TTC29: variants seen among roughly 807,000 people sequenced by gnomAD.
TTC29 encodes the protein tetratricopeptide repeat domain 29.
TTC29 carries 49 observed loss-of-function variants against 58.1 expected under a neutral mutation model. That is an observed-to-expected ratio of 0.84 (90% CI 0.67 to 1.07). The LOEUF is 1.07. Ranked by LOEUF, TTC29 falls within the 50% of genes least tolerant of loss-of-function variation. The probability of loss-of-function intolerance (pLI) is 0.00; values close to 1 mark genes in which losing one functional copy is unlikely to be tolerated. For missense variants in TTC29, 582 were observed against 555.6 expected, an observed-to-expected ratio of 1.05 and a Z score of -0.48; for synonymous variants, 209 against 196.8, an observed-to-expected ratio of 1.06 and a Z score of -0.52.
At chr4:146,809,634 T>C (rs1345361775) in intron 10 of TTC29, among the ~76,000 whole-genome samples, 2 of 149,838 alleles carry the variant, frequency 1.3e-5, no homozygotes. Flanking sequence ...TAAGAAGACA[T>C]TTATGCGGCC....
At chr4:146,850,763 G>A (rs541287806) in intron 8 of TTC29, among the ~76,000 whole-genome samples, 1 of 152,000 alleles carries the variant, frequency 6.6e-6, no homozygotes, top group Non-Finnish European at 1.5e-5. Context: ...AAATATTCAC[G>A]TTTAGTTACA....
At chr4:146,889,674 C>T (rs1732221772) in intron 6 of TTC29, among the ~76,000 whole-genome samples, 1 of 151,994 alleles carries the variant, frequency 6.6e-6, no homozygotes, top group African/African-American at 2.4e-5. Context: ...TATTCCATGA[C>T]AAATAAGAAA....
rs116777798 is a variant in TTC29 at position 146,767,006 on chromosome 4, C to T, written c.1330+36451G>A. ...TCATCCTGTAGACAAAACATTTATT[C>T]ATCATTTAGCTATTGCTTTAGCAAC... On this transcript the variant is annotated intron_variant, in intron 11 of 12. Transcript: ENST00000325106. Among the ~76,000 whole-genome samples, 609 of 152,136 alleles carry T rather than the reference C, an allele frequency of 4.0e-3. 2 individuals carry two copies. Among genetic ancestry groups the T allele is most frequent in the African/African-American group, 0.014 (567 of 41,542 alleles).
At chr4:146,791,071 G>A (rs1411209313) in intron 11 of TTC29, among the ~76,000 whole-genome samples, 8 of 152,208 alleles carry the variant, frequency 5.3e-5, no homozygotes, top group Non-Finnish European at 1.2e-4. Context: ...ACTATCATAA[G>A]TAGAGTGGTT....
intron 11 of TTC29, chr4:146,764,217 G>A (rs1171855579): frequency 6.6e-6 from 1 of 152,088 alleles, no homozygotes; most frequent in Non-Finnish European, 1.5e-5. Flanking sequence ...TGGTATAGGG[G>A]AGAAAATAGA....
intron 11 of TTC29, among the ~76,000 whole-genome samples, chr4:146,715,103 G>A (rs1327406201): frequency 6.6e-6 from 1 of 152,068 alleles, no homozygotes; most frequent in Non-Finnish European, 1.5e-5. Flanking sequence ...GTCCCAAAGT[G>A]TTGGGATGAC....
chr4:146,852,726 T>C (rs1247674738), intron 8 of TTC29, among the ~76,000 whole-genome samples: 2 of 152,226 alleles, frequency 1.3e-5, no homozygotes, highest in Admixed American at 1.3e-4. Flanking sequence ...ACAATCTACC[T>C]GACCAAAAAG....
At chr4:146,837,936 T>C (rs918638681) in intron 8 of TTC29, among the ~76,000 whole-genome samples, 4 of 152,054 alleles carry the variant, frequency 2.6e-5, no homozygotes, top group Admixed American at 1.3e-4. Flanking sequence ...AGCATGTTAC[T>C]ATGTAAGTTT....
chr4:146,933,379 T>C (rs1323803256), intron 4 of TTC29, among the ~76,000 whole-genome samples: 7 of 152,232 alleles, frequency 4.6e-5, no homozygotes, highest in African/African-American at 1.7e-4. Flanking sequence ...TAAAGTGCCC[T>C]CTAGAAATGT....
intron 8 of TTC29, among the ~76,000 whole-genome samples, chr4:146,846,609 G>A (rs910225394): frequency 2.0e-5 from 3 of 152,130 alleles, no homozygotes; most frequent in Non-Finnish European, 4.4e-5. Flanking sequence ...CACCTTGAAC[G>A]AAATGGTTTC....
At chr4:146,818,116 A>C (rs1243547319) in intron 10 of TTC29, among the ~76,000 whole-genome samples, 5 of 152,180 alleles carry the variant, frequency 3.3e-5, no homozygotes, top group South Asian at 4.1e-4. Flanking sequence ...TTCTGCACAG[A>C]AAAAGAAACT....
intron 4 of TTC29, among the ~76,000 whole-genome samples, chr4:146,933,073 A>T (rs2150321564): frequency 6.7e-6 from 1 of 148,556 alleles, no homozygotes; most frequent in Admixed American, 6.7e-5. Flanking sequence ...AAAAAAAAAG[A>T]TATGAAGTAA....
intron 11 of TTC29, among the ~76,000 whole-genome samples, chr4:146,740,741 A>T (rs980293102): frequency 5.9e-5 from 9 of 152,086 alleles, no homozygotes; most frequent in African/African-American, 2.2e-4. Flanking sequence ...TTAGAGATAG[A>T]GTCTCACTCA....
At chr4:146,809,099 T>C (rs1294289052) in intron 10 of TTC29, among the ~76,000 whole-genome samples, 1 of 150,028 alleles carries the variant, frequency 6.7e-6, no homozygotes, top group East Asian at 2.0e-4. Flanking sequence ...TACAACCAAC[T>C]GATCTTTGAC....
intron 11 of TTC29, among the ~76,000 whole-genome samples, chr4:146,784,744 G>A (rs1184727592): frequency 6.6e-6 from 1 of 152,068 alleles, no homozygotes; most frequent in Non-Finnish European, 1.5e-5. Flanking sequence ...CCAATTAATA[G>A]CATTTTGTTA....
At chr4:146,723,232 A>C (rs1042015932) in intron 11 of TTC29, among the ~76,000 whole-genome samples, 1 of 151,372 alleles carries the variant, frequency 6.6e-6, no homozygotes, top group African/African-American at 2.4e-5. Flanking sequence ...GGGCAACAAG[A>C]GCAAAACTCC....
At chr4:146,711,390 A>G (rs1742481261) in intron 11 of TTC29, among the ~76,000 whole-genome samples, 1 of 152,274 alleles carries the variant, frequency 6.6e-6, no homozygotes, top group Non-Finnish European at 1.5e-5. Context: ...TTACTTTTGA[A>G]TAGTCATCAC....
intron 6 of TTC29, among the ~76,000 whole-genome samples, chr4:146,888,968 T>TA (rs1732173196): frequency 6.6e-6 from 1 of 152,176 alleles, no homozygotes; most frequent in African/African-American, 2.4e-5. Flanking sequence ...AAAGAGAGTC[T>TA]AGGTTTACTA....
chr4:146,867,539 A>G lies in TTC29; in HGVS notation c.844T>C (p.Leu282=). 6.4e-7 allele frequency: 1 copy of G among 1,557,328 alleles called. No individual in the cohort carries two copies. Reference sequence around the variant, plus strand: ...TATTCCTCAGCAGCTAAGTGTGCTAAGCCCAAGTAGTAAGAGGCTTCCGCT... The same window carrying G: ...TATTCCTCAGCAGCTAAGTGTGCTAGGCCCAAGTAGTAAGAGGCTTCCGCT... ...MEAEASYYLG[L]AHLAAEEYET... Residue 282 remains leucine (L), a synonymous_variant, in exon 8 of 13, where the codon TTA becomes CTA. Coordinates refer to ENST00000325106, the MANE Select transcript of TTC29 (RefSeq NM_031956.4).
Sources: gnomAD v4.1 joint callset for allele counts (sites outside exome capture counted in the v4.1 genomes callset) on GRCh38, gnomAD v4.1.1 for gene constraint, MANE v1.5 for transcripts, NCBI Gene and HGNC (gene_info 2026-07-23, HGNC 2026-07-21) for gene names.